RAP1B: variants seen among roughly 807,000 people sequenced by gnomAD.
RAP1B encodes RAP1B, member of RAS oncogene family.
A neutral mutation model predicts 27.5 loss-of-function variants in RAP1B; 1 was observed. That is an observed-to-expected ratio of 0.04 (90% CI 0.01 to 0.17). The LOEUF (loss-of-function observed/expected upper bound fraction) is 0.17, where lower values mean the gene tolerates loss of function less well. Ranked by LOEUF, RAP1B falls within the 10% of genes least tolerant of loss-of-function variation. RAP1B has a pLI of 1.00. For synonymous variants in RAP1B, 75 were observed against 73.1 expected, an observed-to-expected ratio of 1.03 and a Z score of -0.13; for missense variants, 84 against 214.8, an observed-to-expected ratio of 0.39 and a Z score of 3.81.
In RAP1B at chr12:68,662,835, A is replaced by T. The variant is rs527832581; in HGVS notation, c.*3586A>T. On this transcript the variant is annotated 3_prime_UTR_variant, in exon 8 of 8. Transcript: ENST00000250559. ...ACATAGACCCCATCTCTACAAAAAA[A>T]AATTTTTTTTTAATTAGCTGGGCAT... 3.9e-5 allele frequency: 6 copies of T among 152,122 alleles called. No homozygotes were observed. Among genetic ancestry groups the T allele is most frequent in the African/African-American group, 1.4e-4 (6 of 41,494 alleles). The allele number at this position is 152,122 out of a possible 1,614,324, so 9.4% of individuals were successfully genotyped here.
intron 4 of RAP1B, among the ~76,000 whole-genome samples, chr12:68,652,880 A>G (rs536793812): frequency 6.6e-6 from 1 of 152,336 alleles, no homozygotes; most frequent in African/African-American, 2.4e-5. Context: ...TTCAAATAAT[A>G]CAGGCATACA....
chr12:68,638,388 C>T (rs1206275053), intron 1 of RAP1B, among the ~76,000 whole-genome samples: 6 of 152,056 alleles, frequency 3.9e-5, no homozygotes, highest in African/African-American at 9.7e-5. Context: ...AAATAGCATG[C>T]GAGAAGGTAA....
chr12:68,661,572 ATGTAT>A lies in RAP1B; in HGVS notation c.*2325_*2329del. The A allele has an allele frequency of 6.6e-6, 1 of 152,102 alleles. No homozygotes were observed. Among genetic ancestry groups the A allele is most frequent in the East Asian group, 1.9e-4 (1 of 5,180 alleles). 9.4% of individuals were successfully genotyped at this position (152,102 alleles called of 1,614,324 possible). ...CACTATTGATGTTTTATGTTTGATA[ATGTAT>A]TCTGGCGACTCTCCTGTGCATTATA... On this transcript the variant is annotated 3_prime_UTR_variant, in exon 8 of 8. Transcript: ENST00000250559.
intron 1 of RAP1B, among the ~76,000 whole-genome samples, chr12:68,628,852 A>G (rs1219901013): frequency 2.0e-5 from 3 of 152,156 alleles, no homozygotes; most frequent in Non-Finnish European, 4.4e-5. Flanking sequence ...TGGCTACTAT[A>G]CTGGACAGTC....
At position 68,661,399 on chromosome 12, in the gene RAP1B, C is replaced by G. The variant is rs1166650178; in HGVS notation, c.*2150C>G. The G allele has an allele frequency of 6.6e-6, 1 of 152,194 alleles. No individual in the cohort carries two copies. Among genetic ancestry groups the G allele is most frequent in the East Asian group, 1.9e-4 (1 of 5,176 alleles). The allele number at this position is 152,194 out of a possible 1,614,324, so 9.4% of individuals were successfully genotyped here. On this transcript the variant is annotated 3_prime_UTR_variant, in exon 8 of 8. Transcript: ENST00000250559. ...TATGTACCAGGCCCAGTTCTAGGCTCAAACAGCTAAATATTCATTCATTGG... is the reference window on the plus strand; with the variant it reads ...TATGTACCAGGCCCAGTTCTAGGCTGAAACAGCTAAATATTCATTCATTGG...
rs1874656591 is a variant in RAP1B, at chr12:68,662,536, A to G, written c.*3287A>G. ...TTCCGTCTTTAGTTGTGGGACAGCA[A>G]ACTTAGAATCGAAACTCATCACTAC... On this transcript the variant is annotated 3_prime_UTR_variant, in exon 8 of 8. Coordinates refer to ENST00000250559, the MANE Select transcript of RAP1B (RefSeq NM_001010942.3). 1 of 152,024 alleles carries G rather than the reference A, an allele frequency of 6.6e-6. No individual in the cohort carries two copies. Among genetic ancestry groups the G allele is most frequent in the Non-Finnish European group, 1.5e-5 (1 of 67,986 alleles). 9.4% of individuals were successfully genotyped at this position (152,024 alleles called of 1,614,324 possible).
At chr12:68,624,766 G>A (rs1871627464) in intron 1 of RAP1B, 1 of 152,464 alleles carries the variant, frequency 6.6e-6, no homozygotes, top group Non-Finnish European at 1.5e-5. Flanking sequence ...AGTGAGCTGA[G>A]ATCGTGCCAC....
At chr12:68,624,728 T>C (rs988391541) in intron 1 of RAP1B, 10 of 152,354 alleles carry the variant, frequency 6.6e-5, no homozygotes, top group Non-Finnish European at 1.5e-4. Flanking sequence ...AGCAGGAGAA[T>C]CGCTGGAACC....
In RAP1B at chr12:68,623,781, G is replaced by A. The variant is rs538279471; in HGVS notation, c.-27+12738G>A. On this transcript the variant is annotated intron_variant, in intron 1 of 7. Transcript: ENST00000250559. ...CTCACGCCTGTAATCCCAGCACTTT[G>A]GAAGGCCAAGGTGGGTGGATCACGA... 3.0e-3 allele frequency among the ~76,000 whole-genome samples: 451 copies of A among 152,328 alleles called. 1 individual carries two copies. Among genetic ancestry groups the A allele is most frequent in the Non-Finnish European group, 4.5e-3 (306 of 68,024 alleles).
chr12:68,657,770 ACACG>A (rs1396415006), intron 7 of RAP1B: 3 of 127,986 alleles, frequency 2.3e-5, no homozygotes, highest in African/African-American at 9.8e-5. Flanking sequence ...ACACACACAC[ACACG>A]TGCGCGCGTG....
In RAP1B at chr12:68,654,257, G is replaced by A. The variant is rs1345479888; in HGVS notation, c.324+5G>A. 2 of 1,501,072 alleles carry A rather than the reference G, an allele frequency of 1.3e-6. No homozygotes were observed. The highest frequency in any genetic ancestry group is 2.1e-5 in the Admixed American group (1 of 48,024). The allele number at this position is 1,501,072 out of a possible 1,614,324, so 93.0% of individuals were successfully genotyped here. Reference sequence around the variant, plus strand: ...CGAGTTAAAGACACTGATGATGTAAGCTGACTTCCAAATAAATATATTTTA... The same window carrying A: ...CGAGTTAAAGACACTGATGATGTAAACTGACTTCCAAATAAATATATTTTA... On this transcript the variant is annotated splice_donor_5th_base_variant and intron_variant, in intron 5 of 7. Coordinates refer to ENST00000250559, the MANE Select transcript of RAP1B (RefSeq NM_001010942.3).
Position 68,662,932 on chromosome 12 carries a change from A to G in RAP1B, c.*3683A>G, listed in dbSNP as rs1874679962. Reference sequence around the variant, plus strand: ...CTTGATCCCAGGAGATCAAGGATACAGTGAACTGTGTTCGCGCCACTGCAC... The same window carrying G: ...CTTGATCCCAGGAGATCAAGGATACGGTGAACTGTGTTCGCGCCACTGCAC... On this transcript the variant is annotated 3_prime_UTR_variant, in exon 8 of 8. Coordinates refer to ENST00000250559, the MANE Select transcript of RAP1B (RefSeq NM_001010942.3). 6.6e-6 allele frequency: 1 copy of G among 152,316 alleles called. No homozygotes were observed. The highest frequency in any genetic ancestry group is 1.9e-4 in the East Asian group (1 of 5,186). The allele number at this position is 152,316 out of a possible 1,614,324, so 9.4% of individuals were successfully genotyped here.
Position 68,659,436 on chromosome 12 carries a change from A to G in RAP1B, c.*187A>G, listed in dbSNP as rs1437300562. On this transcript the variant is annotated 3_prime_UTR_variant, in exon 8 of 8. Coordinates refer to ENST00000250559, the MANE Select transcript of RAP1B (RefSeq NM_001010942.3). ...ATTCTAATCACTTTCCAGTATCACA[A>G]GAGAGATTTTTACTTATATAATAGT... 1 of 375,810 alleles carries G rather than the reference A, an allele frequency of 2.7e-6. No homozygotes were observed. Among genetic ancestry groups the G allele is most frequent in the Non-Finnish European group, 5.2e-6 (1 of 192,538 alleles). 23.3% of individuals were successfully genotyped at this position (375,810 alleles called of 1,614,324 possible).
chr12:68,614,829 T>G (rs551207485), intron 1 of RAP1B, among the ~76,000 whole-genome samples: 5 of 152,242 alleles, frequency 3.3e-5, no homozygotes, highest in African/African-American at 4.8e-5. Flanking sequence ...TATTTTGCAA[T>G]GGTATTGAAA....
At chr12:68,643,584 C>A (rs1012594255) in intron 1 of RAP1B, among the ~76,000 whole-genome samples, 9 of 152,056 alleles carry the variant, frequency 5.9e-5, no homozygotes, top group African/African-American at 1.9e-4. Context: ...TTAATTGATT[C>A]TTTTATGCTT....
At chr12:68,648,080 A>G (rs756408824) in intron 1 of RAP1B, 5 of 152,210 alleles carry the variant, frequency 3.3e-5, no homozygotes, top group Non-Finnish European at 7.3e-5. Flanking sequence ...CTGAAATTTT[A>G]TAATGATAAG....
chr12:68,626,514 C>T (rs1367975605), intron 1 of RAP1B, among the ~76,000 whole-genome samples: 2 of 152,130 alleles, frequency 1.3e-5, no homozygotes, highest in East Asian at 3.9e-4. Flanking sequence ...CAGTCTCAGT[C>T]ATCCCTTTGG....
chr12:68,615,133 A>G (rs1292313303), intron 1 of RAP1B, among the ~76,000 whole-genome samples: 2 of 152,230 alleles, frequency 1.3e-5, no homozygotes, highest in Non-Finnish European at 2.9e-5. Flanking sequence ...TCCGTATTTC[A>G]TAACATTGGA....
At chr12:68,652,258 C>T (rs1289988315) in intron 4 of RAP1B, among the ~76,000 whole-genome samples, 1 of 151,896 alleles carries the variant, frequency 6.6e-6, no homozygotes, top group African/African-American at 2.4e-5. Flanking sequence ...CCAGCCTGGC[C>T]AACATAGTGA....
Sources: allele counts gnomAD v4.1 joint callset (sites outside exome capture counted in the v4.1 genomes callset), GRCh38; gene constraint gnomAD v4.1.1; transcripts MANE v1.5; gene names NCBI Gene and HGNC (gene_info 2026-07-23, HGNC 2026-07-21).